RGS6: variants seen among roughly 807,000 people sequenced by gnomAD.
RGS6 encodes the protein regulator of G protein signaling 6.
In RGS6, 30 loss-of-function variants were observed where a neutral mutation model predicts 78.5. The observed-to-expected ratio is 0.38, with a 90% CI of 0.29 to 0.52. The LOEUF is 0.52. Ranked by LOEUF, RGS6 falls within the 20% of genes least tolerant of loss-of-function variation. The pLI is 0.85. For missense variants in RGS6, 495 were observed against 609.7 expected, an observed-to-expected ratio of 0.81 and a Z score of 1.98; for synonymous variants, 206 against 206.0, an observed-to-expected ratio of 1.00 and a Z score of 0.00.
At chr14:71,980,775 G>A (rs1355764327) in intron 2 of RGS6, among the ~76,000 whole-genome samples, 3 of 85,152 alleles carry the variant, frequency 3.5e-5, no homozygotes, top group African/African-American at 9.1e-5. Flanking sequence ...TCTTTGTGGC[G>A]TTCTCTGTAT....
chr14:72,188,596 TG>T (rs1260953215), intron 2 of RGS6, among the ~76,000 whole-genome samples: 1 of 152,204 alleles, frequency 6.6e-6, no homozygotes, highest in African/African-American at 2.4e-5. Context: ...CTTCAGTCAT[TG>T]TTACGTTGCA....
chr14:72,629,815 T>C, the RGS6 span: 4 of 1,152,334 alleles, frequency 3.5e-6, no homozygotes, highest in Non-Finnish European at 5.0e-6. Context: ...GGAAACACAT[T>C]GATGCCCAGT....
intron 3 of RGS6, among the ~76,000 whole-genome samples, chr14:72,420,510 G>C (rs1228884147): frequency 6.6e-6 from 1 of 152,142 alleles, no homozygotes; most frequent in African/African-American, 2.4e-5. Flanking sequence ...TATGATTCCT[G>C]TTCCCTTCAG....
chr14:71,902,519 A>G, the RGS6 span, among the ~76,000 whole-genome samples: 12 of 152,168 alleles, frequency 7.9e-5, no homozygotes, highest in Non-Finnish European at 1.5e-5. Context: ...ATGCTCACAT[A>G]TAATAGTTTT....
intron 2 of RGS6, among the ~76,000 whole-genome samples, chr14:72,045,520 G>T (rs2092761682): frequency 6.6e-6 from 1 of 152,148 alleles, no homozygotes; most frequent in Non-Finnish European, 1.5e-5. Context: ...CTCAGATAGA[G>T]TTTGCATCTT....
Position 72,259,046 on chromosome 14 carries a change from G to T in RGS6, c.85-93049G>T, listed in dbSNP as rs574896731. Among the ~76,000 whole-genome samples, 10 of 152,256 alleles carry T rather than the reference G, an allele frequency of 6.6e-5. 1 individual carries two copies. The South Asian group carries it at 2.1e-3, about 32-fold the overall frequency. ...TTTTCCTAGTAACTTAACAGAGAGA[G>T]ACCACCCTCAGGGGTCTGCAAAAGA... is the stretch of plus-strand genomic sequence containing the variant. On this transcript the variant is annotated intron_variant, in intron 2 of 17. Transcript: ENST00000553525.
chr14:72,069,217 C>T (rs1480828678), intron 2 of RGS6, among the ~76,000 whole-genome samples: 2 of 151,192 alleles, frequency 1.3e-5, no homozygotes, highest in African/African-American at 4.9e-5. Context: ...AAATGATCCA[C>T]CTGCCTCAGC....
At chr14:72,085,216 C>T (rs560357807) in intron 2 of RGS6, among the ~76,000 whole-genome samples, 14 of 152,260 alleles carry the variant, frequency 9.2e-5, no homozygotes, top group South Asian at 2.1e-4. Context: ...TAACATTTAT[C>T]GACCACTTTC....
At chr14:72,504,616 G>T (rs2096771877) in intron 13 of RGS6, among the ~76,000 whole-genome samples, 1 of 152,150 alleles carries the variant, frequency 6.6e-6, no homozygotes, top group Non-Finnish European at 1.5e-5. Context: ...TATCTAGGAA[G>T]ATTGAGGCTT....
chr14:72,598,863 C>T, the RGS6 span, among the ~76,000 whole-genome samples: 1 of 152,234 alleles, frequency 6.6e-6, no homozygotes, highest in Non-Finnish European at 1.5e-5. Flanking sequence ...CTCCTCTTCC[C>T]TTAGACTGAG....
At chr14:72,533,638 A>C (rs2097209776) in intron 15 of RGS6, among the ~76,000 whole-genome samples, 1 of 152,258 alleles carries the variant, frequency 6.6e-6, no homozygotes. Context: ...GAAAGAAGTA[A>C]AAATATCAAC....
At chr14:72,546,238 C>G (rs2097400644) in intron 17 of RGS6, among the ~76,000 whole-genome samples, 2 of 152,222 alleles carry the variant, frequency 1.3e-5, no homozygotes, top group Admixed American at 1.3e-4. Flanking sequence ...CGCTTCTTAT[C>G]TTGACTCTGT....
chr14:72,601,167 G>T, the RGS6 span, among the ~76,000 whole-genome samples: 1 of 152,132 alleles, frequency 6.6e-6, no homozygotes, highest in Non-Finnish European at 1.5e-5. Flanking sequence ...TAACCCGAAA[G>T]GGGGCTCAGC....
chr14:72,367,278 A>C (rs1474220177), intron 3 of RGS6, among the ~76,000 whole-genome samples: 4 of 152,106 alleles, frequency 2.6e-5, no homozygotes, highest in Non-Finnish European at 5.9e-5. Context: ...ATGGGTCTGG[A>C]CTCGGGATCC....
At chr14:72,428,162 A>G (rs2094499845) in intron 3 of RGS6, among the ~76,000 whole-genome samples, 1 of 152,218 alleles carries the variant, frequency 6.6e-6, no homozygotes, top group African/African-American at 2.4e-5. Flanking sequence ...GGACTGATTA[A>G]GGAAAGAAGA....
Position 72,276,188 on chromosome 14 carries a change from T to C in RGS6, c.85-75907T>C, listed in dbSNP as rs373319106. Among the ~76,000 whole-genome samples the C allele has an allele frequency of 2.2e-3, 341 of 152,196 alleles. 2 individuals carry two copies. The highest frequency in any genetic ancestry group is 3.7e-3 in the Admixed American group (57 of 15,290). On this transcript the variant is annotated intron_variant, in intron 2 of 17. Transcript: ENST00000553525. The stretch of plus-strand genomic sequence containing the variant: ...TGCACAAAAGTTGACACATTATGAA[T>C]GCTTTAAAAAAAAAATTATACCTTA...
chr14:72,530,236 T>C (rs541842584), intron 15 of RGS6, among the ~76,000 whole-genome samples: 1 of 152,284 alleles, frequency 6.6e-6, no homozygotes, highest in Admixed American at 6.5e-5. Flanking sequence ...ACTGTTGCTT[T>C]GGAGAAGGGT....
chr14:72,009,747 A>G (rs913435438), intron 2 of RGS6, among the ~76,000 whole-genome samples: 3 of 152,178 alleles, frequency 2.0e-5, no homozygotes, highest in African/African-American at 7.2e-5. Context: ...TGAGTTTTGG[A>G]GTAGTTTGCT....
At chr14:72,353,312 A>G (rs2079503384) in intron 3 of RGS6, among the ~76,000 whole-genome samples, 1 of 152,218 alleles carries the variant, frequency 6.6e-6, no homozygotes, top group Non-Finnish European at 1.5e-5. Flanking sequence ...ATCTCCAAAG[A>G]CTGGAAACAA....
Sources: gnomAD v4.1 joint callset for allele counts (sites outside exome capture counted in the v4.1 genomes callset) on GRCh38, gnomAD v4.1.1 for gene constraint, MANE v1.5 for transcripts, NCBI Gene and HGNC (gene_info 2026-07-23, HGNC 2026-07-21) for gene names.